Variants in CNTN5 observed in about 807,000 individuals in gnomAD.
CNTN5 encodes contactin-5.
Under a neutral mutation model 129.1 loss-of-function variants are expected in CNTN5, and 77 were observed. The observed-to-expected ratio is 0.60, with a 90% CI of 0.50 to 0.72. CNTN5 has a LOEUF of 0.72. Ranked by LOEUF, CNTN5 falls within the 30% of genes least tolerant of loss-of-function variation. The pLI is 0.00. For synonymous variants in CNTN5, 509 were observed against 465.6 expected, an observed-to-expected ratio of 1.09 and a Z score of -1.20; for missense variants, 1,478 against 1,328.8, an observed-to-expected ratio of 1.11 and a Z score of -1.75.
chr11:100,070,733 T>A lies in CNTN5; in HGVS notation c.1299+173T>A, dbSNP rs186051809. On this transcript the variant is annotated intron_variant, in intron 11 of 24. Transcript: ENST00000524871. ...GGGATTAACTGAGAATTTAACTCAA[T>A]GTCTGGGATATAGTAGTCATATATT... is the stretch of plus-strand genomic sequence containing the variant. Among the ~76,000 whole-genome samples, 7 of 152,268 alleles carry A rather than the reference T, an allele frequency of 4.6e-5. No individual in the cohort carries two copies. The East Asian group carries it at 1.3e-3, about 29-fold the overall frequency.
At chr11:99,678,678 T>A (rs768017600) in intron 3 of CNTN5, among the ~76,000 whole-genome samples, 20 of 151,856 alleles carry the variant, frequency 1.3e-4, no homozygotes, top group Admixed American at 2.6e-4. Context: ...GAGAGGATAG[T>A]GAAAAGTTTA....
At chr11:99,248,998 C>G (rs61624376) in intron 1 of CNTN5, among the ~76,000 whole-genome samples, 2 of 151,776 alleles carry the variant, frequency 1.3e-5, no homozygotes, top group African/African-American at 4.8e-5. Flanking sequence ...TCCAATTCTG[C>G]GAAGAAAGTC....
At chr11:99,426,500 G>T (rs2135080944) in intron 2 of CNTN5, among the ~76,000 whole-genome samples, 1 of 152,206 alleles carries the variant, frequency 6.6e-6, no homozygotes, top group East Asian at 1.9e-4. Context: ...TTGACCATAA[G>T]ACAGAATTTT....
At chr11:99,535,118 T>G (rs1158875051) in intron 2 of CNTN5, among the ~76,000 whole-genome samples, 1 of 152,156 alleles carries the variant, frequency 6.6e-6, no homozygotes, top group Non-Finnish European at 1.5e-5. Flanking sequence ...TTGATGAGCT[T>G]GGTGAAGTGA....
intron 3 of CNTN5, among the ~76,000 whole-genome samples, chr11:99,582,729 A>AT (rs141237719): frequency 0.97 from 147,772 of 152,040 alleles, 71,954 homozygotes; most frequent in East Asian, 1. Context: ...CATTTGTCTA[A>AT]TTTTTTTCAA....
intron 9 of CNTN5, among the ~76,000 whole-genome samples, chr11:100,013,081 T>C (rs1460474109): frequency 2.0e-5 from 3 of 152,034 alleles, no homozygotes; most frequent in Non-Finnish European, 4.4e-5. Context: ...GTGAAACAAC[T>C]CAGAAACAAA....
At chr11:100,191,678 G>C (rs1321952522) in intron 14 of CNTN5, among the ~76,000 whole-genome samples, 1 of 151,914 alleles carries the variant, frequency 6.6e-6, no homozygotes, top group Non-Finnish European at 1.5e-5. Context: ...ATGATGGAGG[G>C]GTGGTATAGG....
chr11:99,992,274 A>C (rs574605488), intron 8 of CNTN5, among the ~76,000 whole-genome samples: 1 of 152,224 alleles, frequency 6.6e-6, no homozygotes, highest in Non-Finnish European at 1.5e-5. Flanking sequence ...TATTTCATAG[A>C]CATTGGCCTA....
At chr11:99,939,826 C>A (rs1441801098) in intron 7 of CNTN5, among the ~76,000 whole-genome samples, 1 of 152,040 alleles carries the variant, frequency 6.6e-6, no homozygotes, top group Non-Finnish European at 1.5e-5. Flanking sequence ...AGAACCTCCT[C>A]TATATGTTTG....
rs140555729 is a variant in CNTN5, at chr11:99,040,856, C to T, written c.-210+19586C>T. ...ACGGTGAAAGAAGAGAAAGAGTTGT[C>T]ATAAATCTGAAGTATTTAGCATTAA... is the stretch of plus-strand genomic sequence containing the variant. On this transcript the variant is annotated intron_variant, in intron 1 of 24. Transcript: ENST00000524871. Among the ~76,000 whole-genome samples, 13 of 152,188 alleles carry T rather than the reference C, an allele frequency of 8.5e-5. No homozygotes were observed. The East Asian group carries it at 2.5e-3, about 29-fold the overall frequency.
intron 13 of CNTN5, among the ~76,000 whole-genome samples, chr11:100,087,345 A>G (rs1450484150): frequency 6.6e-6 from 1 of 151,888 alleles, no homozygotes; most frequent in Non-Finnish European, 1.5e-5. Context: ...AAAATCTTCA[A>G]ACATACACCA....
At chr11:100,153,220 G>T (rs1947125676) in intron 13 of CNTN5, among the ~76,000 whole-genome samples, 1 of 151,966 alleles carries the variant, frequency 6.6e-6, no homozygotes, top group Non-Finnish European at 1.5e-5. Flanking sequence ...TGTTGTCACA[G>T]GATTGCATCA....
In CNTN5 at chr11:99,030,263, A is replaced by G. The variant is rs183139819; in HGVS notation, c.-210+8993A>G. 7.9e-5 allele frequency among the ~76,000 whole-genome samples: 12 copies of G among 152,276 alleles called. No homozygotes were observed. In the East Asian group the frequency reaches 2.3e-3, roughly 29 times the overall value. On this transcript the variant is annotated intron_variant, in intron 1 of 24. Coordinates refer to ENST00000524871, the MANE Select transcript of CNTN5 (RefSeq NM_014361.4). ...AATTACTTCCTTCATATCTTTAGCT[A>G]TAGATGCTTACAAAATTTCTTTTTA... is the stretch of plus-strand genomic sequence containing the variant.
At chr11:99,143,497 T>G (rs1859631379) in intron 1 of CNTN5, among the ~76,000 whole-genome samples, 1 of 150,328 alleles carries the variant, frequency 6.7e-6, no homozygotes, top group Admixed American at 6.7e-5. Flanking sequence ...ATATTTTTTG[T>G]ATATGACAAT....
intron 3 of CNTN5, among the ~76,000 whole-genome samples, chr11:99,649,992 A>G (rs532589683): frequency 2.3e-4 from 35 of 151,906 alleles, no homozygotes; most frequent in African/African-American, 7.5e-4. Context: ...TCTCACATCA[A>G]TAAGAGTTGT....
intron 2 of CNTN5, among the ~76,000 whole-genome samples, chr11:99,524,482 G>A (rs12277388): frequency 0.14 from 21,172 of 151,982 alleles, 1,811 homozygotes; most frequent in African/African-American, 0.24. Flanking sequence ...TTTGTACAGC[G>A]AAATCATGAA....
chr11:99,519,172 A>T (rs1947174663), intron 2 of CNTN5, among the ~76,000 whole-genome samples: 1 of 151,954 alleles, frequency 6.6e-6, no homozygotes, highest in South Asian at 2.1e-4. Flanking sequence ...GTAAGTGTAC[A>T]TGATGTTCTC....
chr11:99,508,789 C>T (rs1294328715), intron 2 of CNTN5, among the ~76,000 whole-genome samples: 5 of 151,810 alleles, frequency 3.3e-5, no homozygotes, highest in South Asian at 2.1e-4. Flanking sequence ...TCAAGCGATT[C>T]TCCTGCCTCA....
chr11:99,686,091 CTG>C lies in CNTN5; in HGVS notation c.55+129826_55+129827del, dbSNP rs200140219. Among the ~76,000 whole-genome samples, 383 of 151,168 alleles carry C rather than the reference CTG, an allele frequency of 2.5e-3. 2 individuals carry two copies. Among genetic ancestry groups the C allele is most frequent in the African/African-American group, 8.9e-3 (364 of 40,692 alleles). On this transcript the variant is annotated intron_variant, in intron 3 of 24. Coordinates refer to ENST00000524871, the MANE Select transcript of CNTN5 (RefSeq NM_014361.4). The stretch of plus-strand genomic sequence containing the variant: ...TGGAACACTTTTCCATTCATTCCAC[CTG>C]TGTATATATATATATGTGCCATTGT...
Sources: allele counts gnomAD v4.1 joint callset (sites outside exome capture counted in the v4.1 genomes callset), GRCh38; gene constraint gnomAD v4.1.1; transcripts MANE v1.5; gene names NCBI Gene and HGNC (gene_info 2026-07-23, HGNC 2026-07-21).